The following AGAP3 variants were observed in gnomAD, a reference collection of about 807,000 sequenced individuals.
AGAP3 encodes ArfGAP with GTPase domain, ankyrin repeat and PH domain 3, also known as arf-GAP with GTPase, ANK repeat and PH domain-containing protein 3.
A neutral mutation model predicts 96.9 loss-of-function variants in AGAP3; 24 were observed. The ratio of observed to expected loss-of-function variants is 0.25; its 90% CI spans 0.18 to 0.35. AGAP3 has a LOEUF of 0.35. AGAP3 is among the 10% of genes least tolerant of loss of function. The pLI is 1.00. For synonymous variants in AGAP3, 563 were observed against 536.1 expected, an observed-to-expected ratio of 1.05 and a Z score of -0.69; for missense variants, 876 against 1,254.2, an observed-to-expected ratio of 0.70 and a Z score of 4.55.
chr7:151,123,830 G>A lies in AGAP3; in HGVS notation c.1165G>A (p.Ala389Thr), dbSNP rs369359595. The A allele has an allele frequency of 1.3e-4, 204 of 1,612,586 alleles. No individual in the cohort carries two copies. In the Middle Eastern group the frequency reaches 1.3e-3, roughly 10 times the overall value. The change falls in exon 9 of 18, where the codon GCT becomes ACT. Residue 389 changes from alanine to threonine, a missense_variant. Physicochemically the swap from Ala to Thr is moderately conservative, Grantham distance 58 (BLOSUM62 0). Coordinates refer to ENST00000397238, the MANE Select transcript of AGAP3 (RefSeq NM_031946.7). ...TGCTGACCTGGACCGGGAGAAGAAGGCTGCCGAGTGCAAGGTGGACAGCAT... is the reference window on the plus strand; with the variant it reads ...TGCTGACCTGGACCGGGAGAAGAAGACTGCCGAGTGCAAGGTGGACAGCAT... ...KGADLDREKK[A>T]AECKVDSIGS... is the part of the protein sequence containing the mutation.
chr7:151,125,543 G>A (rs552032781), intron 9 of AGAP3, among the ~76,000 whole-genome samples: 1 of 152,348 alleles, frequency 6.6e-6, no homozygotes, highest in South Asian at 2.1e-4. Flanking sequence ...TGTGCCTGAT[G>A]CAGTGACACC....
In AGAP3 at chr7:151,138,340, C is replaced by A. The variant is rs559920481; in HGVS notation, c.1666+27C>A. On this transcript the variant is annotated intron_variant, in intron 12 of 17. Coordinates refer to ENST00000397238, the MANE Select transcript of AGAP3 (RefSeq NM_031946.7). ...TGAGTGGTGGCTCTGCTGCTTCCCA[C>A]CTTTTCTGGGGCCCCAGTGACAGAG... 193 of 1,585,572 alleles carry A rather than the reference C, an allele frequency of 1.2e-4. 2 individuals carry two copies. The South Asian group carries it at 2.1e-3, about 17-fold the overall frequency.
At chr7:151,122,974 G>A in intron 8 of AGAP3, 8 of 1,428,914 alleles carry the variant, frequency 5.6e-6, no homozygotes, top group Non-Finnish European at 7.3e-6. Context: ...CCGCGCTGGG[G>A]GCTGCCGGGG....
intron 9 of AGAP3, among the ~76,000 whole-genome samples, chr7:151,127,843 G>A (rs1314525485): frequency 6.6e-6 from 1 of 152,182 alleles, no homozygotes. Flanking sequence ...GACAGCCAGG[G>A]TTTTAGGGGG....
chr7:151,090,554 A>G, intron 1 of AGAP3: 1 of 152,320 alleles, frequency 6.6e-6, no homozygotes, highest in Non-Finnish European at 1.5e-5. Flanking sequence ...TAAGGTAAAG[A>G]GATGTGGGGG....
At chr7:151,104,965 C>T (rs1022574027) in intron 1 of AGAP3, among the ~76,000 whole-genome samples, 1 of 152,146 alleles carries the variant, frequency 6.6e-6, no homozygotes, top group Non-Finnish European at 1.5e-5. Flanking sequence ...GTGCCCCTGG[C>T]GGGGCGGTTT....
In AGAP3 at chr7:151,123,902, C is replaced by G. The variant is rs773112740; in HGVS notation, c.1221+16C>G. The stretch of plus-strand genomic sequence containing the variant: ...CATCAAGCAGGTCAGCGCCTCCCTT[C>G]CCGTGTGCTCCAGGGCTCAGAATGA... On this transcript the variant is annotated intron_variant, in intron 9 of 17. Coordinates refer to ENST00000397238, the MANE Select transcript of AGAP3 (RefSeq NM_031946.7). 2 of 1,600,952 alleles carry G rather than the reference C, an allele frequency of 1.2e-6. No homozygotes were observed. The highest frequency in any genetic ancestry group is 3.3e-5 in the Admixed American group (2 of 59,956).
At chr7:151,090,879 G>A (rs1005945085) in intron 1 of AGAP3, among the ~76,000 whole-genome samples, 3 of 152,166 alleles carry the variant, frequency 2.0e-5, no homozygotes, top group Admixed American at 6.5e-5. Context: ...GGGAGGCAGA[G>A]CTTGCAGTGA....
rs1359781350 is a variant in AGAP3 at position 151,142,284 on chromosome 7, G to A, written c.2050+31G>A. The A allele has an allele frequency of 5.0e-6, 8 of 1,609,160 alleles. No homozygotes were observed. Among genetic ancestry groups the A allele is most frequent in the Non-Finnish European group, 6.8e-6 (8 of 1,177,960 alleles). ...TGCAAGGCTGGTGGGGCTGGGAGCTGGGGATGGCCCAGGGAAAGCTTCGCA... is the reference window on the plus strand; with the variant it reads ...TGCAAGGCTGGTGGGGCTGGGAGCTAGGGATGGCCCAGGGAAAGCTTCGCA... On this transcript the variant is annotated intron_variant, in intron 15 of 17. Transcript: ENST00000397238. The surrounding 1 kb of genome is among the most constrained non-coding windows in gnomAD (Gnocchi z 7.5).
At chr7:151,122,140 G>A (rs1446964620) in intron 8 of AGAP3, among the ~76,000 whole-genome samples, 2 of 152,188 alleles carry the variant, frequency 1.3e-5, no homozygotes, top group East Asian at 3.9e-4. Context: ...CCCCCAAACC[G>A]GCTCTTCTGT....
intron 1 of AGAP3, among the ~76,000 whole-genome samples, chr7:151,106,151 C>T (rs544066014): frequency 2.5e-4 from 38 of 152,196 alleles, no homozygotes; most frequent in South Asian, 1.9e-3. Context: ...TGCAGTGGCA[C>T]TTGTCCAGAA....
In AGAP3 at chr7:151,141,748, G is replaced by C. The variant is rs992931327; in HGVS notation, c.1805-150G>C. 4.2e-6 allele frequency: 4 copies of C among 942,912 alleles called. No individual in the cohort carries two copies. The highest frequency in any genetic ancestry group is 2.1e-4 in the Middle Eastern group (1 of 4,702). 58.4% of individuals were successfully genotyped at this position (942,912 alleles called of 1,614,324 possible). A position where few individuals can be genotyped will look rare whatever the true frequency, so the allele number is the denominator to read the frequency against. ...TTACTCTGGCCTCCCCCTGCAAGCT[G>C]TCCTGGAGTGTGTGGCCTTGCAGCT... On this transcript the variant is annotated intron_variant, in intron 13 of 17. Transcript: ENST00000397238. This position sits in a 1 kb window ranked among gnomAD's most constrained non-coding sequence, Gnocchi z 4.2.
At position 151,143,580 on chromosome 7, in the gene AGAP3, C is replaced by T. The variant is rs746755216; in HGVS notation, c.2513C>T (p.Thr838Met). 8.7e-6 allele frequency: 14 copies of T among 1,604,010 alleles called. No individual in the cohort carries two copies. Among genetic ancestry groups the T allele is most frequent in the Admixed American group, 1.7e-5 (1 of 59,700 alleles). The change falls in exon 17 of 18, where the codon ACG (threonine) becomes ATG (methionine). Residue 838 changes from threonine (T) to methionine (M), a missense_variant. Coordinates refer to ENST00000397238, the MANE Select transcript of AGAP3 (RefSeq NM_031946.7). This position sits in a 1 kb window ranked among gnomAD's most constrained non-coding sequence, Gnocchi z 5.9. ...AGTGCCATGGCCAACGTTGTCTTCA[C>T]GCAGCTGCTCATCTGGGTGAGTCAC... ...LSSAMANVVF[T>M]QLLIWYGVDV...
intron 8 of AGAP3, chr7:151,121,092 TCCGGACCCTGC>T (rs1157706927): frequency 6.2e-6 from 1 of 160,680 alleles, no homozygotes; most frequent in African/African-American, 2.4e-5. Context: ...AGGCCAGATC[TCCGGACCCTGC>T]CCGGACAGAG....
At chr7:151,111,592 CT>C (rs1167383593) in intron 1 of AGAP3, among the ~76,000 whole-genome samples, 3 of 150,826 alleles carry the variant, frequency 2.0e-5, no homozygotes, top group Admixed American at 6.6e-5. Flanking sequence ...CCTCACCCCC[CT>C]GTGCACACGC....
chr7:151,105,222 G>A (rs1207108834), intron 1 of AGAP3, among the ~76,000 whole-genome samples: 1 of 152,108 alleles, frequency 6.6e-6, no homozygotes, highest in Non-Finnish European at 1.5e-5. Flanking sequence ...TCATTCCAAG[G>A]GGGAACAGTC....
At chr7:151,113,240 C>T (rs1291237066) in intron 1 of AGAP3, among the ~76,000 whole-genome samples, 1 of 152,228 alleles carries the variant, frequency 6.6e-6, no homozygotes, top group Non-Finnish European at 1.5e-5. Context: ...CTGTACCTGC[C>T]TGGGGACCTG....
chr7:151,123,431 T>C (rs926192585), intron 8 of AGAP3: 6 of 1,123,546 alleles, frequency 5.3e-6, no homozygotes, highest in African/African-American at 3.2e-5. Flanking sequence ...TTGTGGACTT[T>C]GCGCTCCCGG....
At chr7:151,109,503 A>T (rs995984669) in intron 1 of AGAP3, among the ~76,000 whole-genome samples, 6 of 152,116 alleles carry the variant, frequency 3.9e-5, no homozygotes, top group Non-Finnish European at 2.9e-5. Flanking sequence ...GCATCTCTTC[A>T]CATTGACTTC....
Sources: allele counts gnomAD v4.1 joint callset (sites outside exome capture counted in the v4.1 genomes callset), GRCh38; gene constraint gnomAD v4.1.1; non-coding constraint Gnocchi (gnomAD v3.1); transcripts MANE v1.5; gene names NCBI Gene and HGNC (gene_info 2026-07-23, HGNC 2026-07-21).